ERBB4: variants seen among roughly 807,000 people sequenced by gnomAD.
ERBB4 encodes the protein erb-b2 receptor tyrosine kinase 4.
In ERBB4, 42 loss-of-function variants were observed where a neutral mutation model predicts 158.0. The ratio of observed to expected loss-of-function variants is 0.27; its 90% CI spans 0.21 to 0.34. ERBB4 has a LOEUF of 0.34. Ranked by LOEUF, ERBB4 falls within the 10% of genes least tolerant of loss-of-function variation. The probability of loss-of-function intolerance (pLI) is 1.00; values close to 1 mark genes in which losing one functional copy is unlikely to be tolerated. For missense variants in ERBB4, 1,333 were observed against 1,624.1 expected (o/e 0.82, Z 3.08); for synonymous variants, 583 against 558.7 (o/e 1.04, Z -0.61).
At chr2:211,844,372 G>C (rs889496370) in intron 3 of ERBB4, among the ~76,000 whole-genome samples, 1 of 152,122 alleles carries the variant, frequency 6.6e-6, no homozygotes, top group African/African-American at 2.4e-5. Flanking sequence ...TGTAGATATA[G>C]TGTTGTGCTC....
At chr2:211,650,778 C>T (rs2105881267) in intron 16 of ERBB4, among the ~76,000 whole-genome samples, 1 of 152,066 alleles carries the variant, frequency 6.6e-6, no homozygotes, top group Admixed American at 6.6e-5. Context: ...ATTTATTTAC[C>T]CAATATACCC....
intron 1 of ERBB4, among the ~76,000 whole-genome samples, chr2:212,372,967 A>G (rs10205953): frequency 0.17 from 26,088 of 152,106 alleles, 2,530 homozygotes; most frequent in South Asian, 0.26. Flanking sequence ...TGTACTGAAG[A>G]GCAAAAACAA....
At chr2:212,015,728 A>G (rs926360401) in intron 2 of ERBB4, among the ~76,000 whole-genome samples, 2 of 152,212 alleles carry the variant, frequency 1.3e-5, no homozygotes, top group African/African-American at 4.8e-5. Flanking sequence ...ACAACCACCA[A>G]TAGTAAACTC....
intron 3 of ERBB4, among the ~76,000 whole-genome samples, chr2:211,853,857 C>T (rs965696038): frequency 6.6e-6 from 1 of 152,028 alleles, no homozygotes; most frequent in African/African-American, 2.4e-5. Context: ...AAAAGCAATA[C>T]ATTAGTTATA....
intron 20 of ERBB4, among the ~76,000 whole-genome samples, chr2:211,515,912 A>ATTTTT (rs1553555083): frequency 1.0e-4 from 8 of 78,980 alleles, no homozygotes; most frequent in African/African-American, 1.7e-4. Flanking sequence ...ATATATATAT[A>ATTTTT]TTTTTTTTTT....
chr2:211,766,050 T>C (rs988197490), intron 4 of ERBB4, among the ~76,000 whole-genome samples: 6 of 152,208 alleles, frequency 3.9e-5, no homozygotes, highest in Non-Finnish European at 8.8e-5. Flanking sequence ...TTATTCAAGC[T>C]TTTTTCTTTC....
At chr2:211,688,239 C>G (rs929211297) in intron 12 of ERBB4, among the ~76,000 whole-genome samples, 1 of 152,300 alleles carries the variant, frequency 6.6e-6, no homozygotes, top group East Asian at 1.9e-4. Context: ...TTATTTCCTC[C>G]TGTCTGAAGG....
chr2:211,390,347 C>G (rs1273991636), intron 25 of ERBB4, among the ~76,000 whole-genome samples: 2 of 152,268 alleles, frequency 1.3e-5, no homozygotes, highest in East Asian at 3.9e-4. Flanking sequence ...AAGAATGAAA[C>G]AAGGCAATTT....
intron 3 of ERBB4, among the ~76,000 whole-genome samples, chr2:211,909,947 T>C (rs2079500843): frequency 6.6e-6 from 1 of 151,694 alleles, no homozygotes. Flanking sequence ...TGAGACAGAG[T>C]CTTGCTTGGT....
intron 3 of ERBB4, among the ~76,000 whole-genome samples, chr2:211,849,332 T>A (rs2077663022): frequency 6.6e-6 from 1 of 151,990 alleles, no homozygotes; most frequent in Non-Finnish European, 1.5e-5. Flanking sequence ...GTTACCATAT[T>A]TATAAAGTAC....
At chr2:211,781,753 G>A (rs1012800708) in intron 4 of ERBB4, among the ~76,000 whole-genome samples, 8 of 151,886 alleles carry the variant, frequency 5.3e-5, no homozygotes, top group East Asian at 1.9e-4. Flanking sequence ...TTTATTGCTC[G>A]TAATAGCCCT....
chr2:211,526,912 AAG>A (rs2066364147), intron 20 of ERBB4, among the ~76,000 whole-genome samples: 1 of 152,152 alleles, frequency 6.6e-6, no homozygotes, highest in Non-Finnish European at 1.5e-5. Flanking sequence ...CAAAAGGAAA[AAG>A]AATAAAAAAC....
rs1297293583 is a variant in ERBB4 at position 211,400,900 on chromosome 2, T to G, written c.3136-12908A>C. On this transcript the variant is annotated intron_variant, in intron 25 of 27. Coordinates refer to ENST00000342788, the MANE Select transcript of ERBB4 (RefSeq NM_005235.3). The stretch of plus-strand genomic sequence containing the variant: ...AAATATCTCCCATACACCCAAAATA[T>G]ATACCTACTATGTACCCACAAAAAT... Among the ~76,000 whole-genome samples, 7 of 152,042 alleles carry G rather than the reference T, an allele frequency of 4.6e-5. 1 individual carries two copies. Among genetic ancestry groups the G allele is most frequent in the African/African-American group, 1.7e-4 (7 of 41,410 alleles).
chr2:211,554,350 A>G (rs1247896962), intron 20 of ERBB4, among the ~76,000 whole-genome samples: 1 of 152,236 alleles, frequency 6.6e-6, no homozygotes, highest in Non-Finnish European at 1.5e-5. Flanking sequence ...TAACAACACA[A>G]TGTACGTAAA....
At chr2:211,669,862 G>A (rs749579289) in intron 14 of ERBB4, among the ~76,000 whole-genome samples, 9 of 152,088 alleles carry the variant, frequency 5.9e-5, no homozygotes, top group African/African-American at 1.7e-4. Flanking sequence ...TCCTACTGAC[G>A]TGCTGACTTT....
intron 6 of ERBB4, 36 bp from the exon 7 acceptor site, chr2:211,722,570 A>G: frequency 6.2e-7 from 1 of 1,607,906 alleles, no homozygotes; most frequent in South Asian, 1.1e-5. Flanking sequence ...ATTTACAAAT[A>G]AACTCATAAT....
intron 19 of ERBB4, among the ~76,000 whole-genome samples, chr2:211,613,169 TGAAAA>T (rs966158326): frequency 2.0e-5 from 3 of 152,014 alleles, no homozygotes; most frequent in African/African-American, 7.2e-5. Flanking sequence ...ATTTATAGAT[TGAAAA>T]GAAGTCTAGA....
At chr2:212,243,886 A>G (rs1044321198) in intron 1 of ERBB4, among the ~76,000 whole-genome samples, 28 of 152,294 alleles carry the variant, frequency 1.8e-4, no homozygotes, top group African/African-American at 6.7e-4. Context: ...AAATGATCTT[A>G]ATGATCCCTA....
At chr2:211,440,614 T>C (rs940537689) in intron 20 of ERBB4, among the ~76,000 whole-genome samples, 3 of 152,198 alleles carry the variant, frequency 2.0e-5, no homozygotes, top group Non-Finnish European at 4.4e-5. Flanking sequence ...GGGATATGTA[T>C]ATACAATTTT....
Sources: gnomAD v4.1 joint callset for allele counts (sites outside exome capture counted in the v4.1 genomes callset) on GRCh38, gnomAD v4.1.1 for gene constraint, MANE v1.5 for transcripts, NCBI Gene and HGNC (gene_info 2026-07-23, HGNC 2026-07-21) for gene names.